ADGRL3: variants seen among roughly 807,000 people sequenced by gnomAD.
ADGRL3 encodes calcium-independent alpha-latrotoxin receptor 3.
In ADGRL3, 62 loss-of-function variants were observed where a neutral mutation model predicts 153.5. The observed-to-expected ratio is 0.40, with a 90% CI of 0.33 to 0.50. The LOEUF is 0.50. ADGRL3 is among the 20% of genes least tolerant of loss of function. ADGRL3 has a pLI of 0.47. For missense variants in ADGRL3, 1,641 were observed against 1,859.4 expected (o/e 0.88, Z 2.16); for synonymous variants, 710 against 672.5 (o/e 1.06, Z -0.86).
At chr4:61,879,324 T>A (rs561398361) in intron 9 of ADGRL3, among the ~76,000 whole-genome samples, 1 of 152,352 alleles carries the variant, frequency 6.6e-6, no homozygotes, top group South Asian at 2.1e-4. Flanking sequence ...TTATCTGAAA[T>A]GCTTGGGACC....
At chr4:61,494,681 A>G (rs1197809579) in intron 2 of ADGRL3, among the ~76,000 whole-genome samples, 2 of 152,044 alleles carry the variant, frequency 1.3e-5, no homozygotes, top group African/African-American at 2.4e-5. Context: ...TCAACCAAAT[A>G]TTTCGTTTCT....
intron 4 of ADGRL3, among the ~76,000 whole-genome samples, chr4:61,570,226 T>A (rs539503507): frequency 6.6e-6 from 1 of 152,276 alleles, no homozygotes; most frequent in East Asian, 1.9e-4. Flanking sequence ...CTCCCCTGAC[T>A]TTCACTTTTT....
intron 8 of ADGRL3, among the ~76,000 whole-genome samples, chr4:61,802,479 A>G (rs1402247318): frequency 1.3e-5 from 2 of 152,088 alleles, no homozygotes; most frequent in Non-Finnish European, 2.9e-5. Flanking sequence ...GATGTCAACA[A>G]TATGACTACG....
At position 61,583,836 on chromosome 4, in the gene ADGRL3, A is replaced by G. The variant is rs556014277; in HGVS notation, c.260-3391A>G. On this transcript the variant is annotated intron_variant, in intron 4 of 26. Coordinates refer to ENST00000683033, the MANE Select transcript of ADGRL3 (RefSeq NM_001387552.1). ...TTGATATAACAGATTACCTCATGGA[A>G]TAAAAGTGGTAAGGAGCATAAGAAG... is the stretch of plus-strand genomic sequence containing the variant. The G allele has an allele frequency of 2.0e-4, 97 of 483,658 alleles. 1 individual carries two copies. Among genetic ancestry groups the G allele is most frequent in the South Asian group, 1.5e-3 (95 of 65,370 alleles). 30.0% of individuals were successfully genotyped at this position (483,658 alleles called of 1,614,324 possible). A position where few individuals can be genotyped will look rare whatever the true frequency, so the allele number is the denominator to read the frequency against.
At chr4:61,934,718 G>T in intron 13 of ADGRL3, 122 bp from the exon 14 acceptor site, 1 of 659,480 alleles carries the variant, frequency 1.5e-6, no homozygotes. Context: ...GGGAGGCTGG[G>T]ACAATACTGA....
intron 2 of ADGRL3, among the ~76,000 whole-genome samples, chr4:61,406,417 C>T (rs192490777): frequency 6.6e-6 from 1 of 151,688 alleles, no homozygotes; most frequent in African/African-American, 2.4e-5. Context: ...ATTAATAATA[C>T]ATTTTATAGA....
intron 6 of ADGRL3, among the ~76,000 whole-genome samples, chr4:61,710,662 G>A (rs2095957829): frequency 6.6e-6 from 1 of 152,104 alleles, no homozygotes; most frequent in South Asian, 2.1e-4. Flanking sequence ...TTAAACACAT[G>A]TATTCAAAAA....
At chr4:62,006,103 C>T (rs1352166757) in intron 21 of ADGRL3, among the ~76,000 whole-genome samples, 2 of 142,760 alleles carry the variant, frequency 1.4e-5, no homozygotes, top group African/African-American at 2.6e-5. Flanking sequence ...GACATGATCT[C>T]GGCTCACTGC....
chr4:62,044,424 A>G, intron 24 of ADGRL3, 29 bp from the exon 25 acceptor site: 1 of 1,457,396 alleles, frequency 6.9e-7, no homozygotes, highest in Non-Finnish European at 9.5e-7. Flanking sequence ...TCATGAGTTC[A>G]TTTTCTTTCT....
intron 5 of ADGRL3, among the ~76,000 whole-genome samples, chr4:61,640,503 T>C (rs2093616883): frequency 6.6e-6 from 1 of 152,174 alleles, no homozygotes; most frequent in Non-Finnish European, 1.5e-5. Flanking sequence ...TATGATCTTG[T>C]AGTTGTGACA....
intron 17 of ADGRL3, among the ~76,000 whole-genome samples, chr4:61,975,446 G>T (rs2099044608): frequency 6.6e-6 from 1 of 152,178 alleles, no homozygotes; most frequent in Admixed American, 6.5e-5. Flanking sequence ...ATGAACTGAG[G>T]CACTGAAGGA....
chr4:61,749,715 G>C (rs1194751016), intron 8 of ADGRL3, among the ~76,000 whole-genome samples: 2 of 152,050 alleles, frequency 1.3e-5, no homozygotes, highest in Admixed American at 6.6e-5. Context: ...GTTGTAGGGT[G>C]GGGGGTGGAG....
chr4:61,755,460 G>A (rs1338180273), intron 8 of ADGRL3, among the ~76,000 whole-genome samples: 1 of 152,084 alleles, frequency 6.6e-6, no homozygotes, highest in Admixed American at 6.6e-5. Context: ...ACTTTTTGAT[G>A]GGGTTGTTTG....
intron 4 of ADGRL3, among the ~76,000 whole-genome samples, chr4:61,542,802 T>G (rs1290277677): frequency 1.3e-5 from 2 of 152,186 alleles, no homozygotes; most frequent in Non-Finnish European, 2.9e-5. Context: ...TTCCTTCACC[T>G]CACATCCTCT....
chr4:61,808,805 T>A (rs2097578158), intron 8 of ADGRL3, among the ~76,000 whole-genome samples: 1 of 151,914 alleles, frequency 6.6e-6, no homozygotes, highest in South Asian at 2.1e-4. Flanking sequence ...TTTTTTTTTT[T>A]TTAAGGATCA....
intron 4 of ADGRL3, among the ~76,000 whole-genome samples, chr4:61,532,946 T>G (rs560929507): frequency 1.3e-5 from 2 of 152,230 alleles, no homozygotes; most frequent in South Asian, 4.1e-4. Context: ...GACTGGATTA[T>G]GTTCAGCTTC....
chr4:61,478,640 T>A (rs2098094649), intron 2 of ADGRL3, among the ~76,000 whole-genome samples: 1 of 152,076 alleles, frequency 6.6e-6, no homozygotes, highest in African/African-American at 2.4e-5. Context: ...ATAGAACTCT[T>A]TGACTCTTTC....
chr4:61,938,402 A>G (rs923020707), intron 15 of ADGRL3, among the ~76,000 whole-genome samples: 5 of 152,180 alleles, frequency 3.3e-5, no homozygotes, highest in South Asian at 4.1e-4. Flanking sequence ...TAACACTTGT[A>G]GATTAGATAA....
intron 5 of ADGRL3, among the ~76,000 whole-genome samples, chr4:61,619,898 C>G (rs2092373632): frequency 6.6e-6 from 1 of 152,174 alleles, no homozygotes. Context: ...AAATGTGCAG[C>G]TTCTCATTCT....
Sources: gnomAD v4.1 joint callset for allele counts (sites outside exome capture counted in the v4.1 genomes callset) on GRCh38, gnomAD v4.1.1 for gene constraint, MANE v1.5 for transcripts, NCBI Gene and HGNC (gene_info 2026-07-23, HGNC 2026-07-21) for gene names.